The following NDRG1 variants were observed in gnomAD, a reference collection of about 807,000 sequenced individuals.
NDRG1 encodes N-myc downstream regulated 1, also known as protein NDRG1.
Under a neutral mutation model 56.9 loss-of-function variants are expected in NDRG1, and 32 were observed. The observed-to-expected ratio is 0.56, with a 90% CI of 0.42 to 0.76. The LOEUF is 0.76. Ranked by LOEUF, NDRG1 falls within the 30% of genes least tolerant of loss-of-function variation. The probability of loss-of-function intolerance (pLI) is 0.00; values close to 1 mark genes in which losing one functional copy is unlikely to be tolerated. For synonymous variants in NDRG1, 211 were observed against 204.1 expected (o/e 1.03, Z -0.29); for missense variants, 507 against 545.7 (o/e 0.93, Z 0.71).
chr8:133,271,778 TAAAAAAAAAAAA>T (rs66733314), intron 3 of NDRG1, among the ~76,000 whole-genome samples: 10 of 30,470 alleles, frequency 3.3e-4, no homozygotes, highest in Non-Finnish European at 4.9e-4. Context: ...AGACCCTGTC[TAAAAAAAAAAAA>T]AAAAAAAAAA....
intron 3 of NDRG1, among the ~76,000 whole-genome samples, chr8:133,279,243 C>T (rs2130783475): frequency 6.6e-6 from 1 of 152,250 alleles, no homozygotes; most frequent in East Asian, 1.9e-4. Flanking sequence ...CTGACACAAC[C>T]AGGATGATGA....
chr8:133,244,684 C>T, intron 13 of NDRG1: 2 of 539,078 alleles, frequency 3.7e-6, no homozygotes, highest in African/African-American at 1.9e-5. Flanking sequence ...ACAGCTGTCC[C>T]ATTTTACAGG....
At position 133,284,302 on chromosome 8, in the gene NDRG1, C is replaced by T. The variant is rs1857979450; in HGVS notation, c.10G>A (p.Glu4Lys). The T allele has an allele frequency of 6.2e-7, 1 of 1,614,186 alleles. No individual in the cohort carries two copies. The highest frequency in any genetic ancestry group is 8.5e-7 in the Non-Finnish European group (1 of 1,180,038). Residue 4 changes from glutamate to lysine, a missense_variant, in exon 2 of 16, where the codon GAG (glutamate) becomes AAG (lysine). Transcript: ENST00000323851. ...TCAGCGAGGTCTACATCCTGCATCT[C>T]CCGAGACATGTCCCTGCTGTCACCT... is the stretch of plus-strand genomic sequence containing the variant. MSREMQDVDLAEVK... is the reference protein window; with the variant it reads MSRKMQDVDLAEVK...
chr8:133,246,808 C>T, intron 12 of NDRG1, 145 bp from the exon 13 acceptor site: 1 of 788,510 alleles, frequency 1.3e-6, no homozygotes, highest in East Asian at 2.5e-5. Flanking sequence ...TATTGGGATT[C>T]AGCAGATGTG....
At chr8:133,280,538 C>T (rs1857738001) in intron 2 of NDRG1, among the ~76,000 whole-genome samples, 1 of 152,042 alleles carries the variant, frequency 6.6e-6, no homozygotes, top group South Asian at 2.1e-4. Flanking sequence ...ATTCTCCTGC[C>T]TCAGCCTCCT....
intron 1 of NDRG1, chr8:133,296,563 C>G: frequency 4.4e-6 from 2 of 456,220 alleles, no homozygotes; most frequent in Non-Finnish European, 8.8e-6. Context: ...CTCGGATCCA[C>G]ACCCGTTCCC....
At chr8:133,296,609 CT>C (rs915652151) in intron 1 of NDRG1, 10 of 451,796 alleles carry the variant, frequency 2.2e-5, no homozygotes, top group East Asian at 7.0e-5. Context: ...CCACGCCCCC[CT>C]CTCCAGCCTC....
chr8:133,264,915 GC>G (rs1320654965), intron 3 of NDRG1: 1 of 520,430 alleles, frequency 1.9e-6, no homozygotes, highest in Non-Finnish European at 3.5e-6. Context: ...GAAAGGGCTT[GC>G]CCGCCACCAT....
chr8:133,279,018 T>G (rs1039896602), intron 3 of NDRG1, among the ~76,000 whole-genome samples: 1 of 151,946 alleles, frequency 6.6e-6, no homozygotes, highest in African/African-American at 2.4e-5. Context: ...AGCCCCCAAG[T>G]AGCTGGGGTT....
At position 133,290,100 on chromosome 8, in the gene NDRG1, C is replaced by A. The variant is rs559918291; in HGVS notation, c.-18-5771G>T. ...CTTGGACCAAGGCCCCCACTTCTGC[C>A]AGCCTCAGACTCCTGTCTGTTAAGA... On this transcript the variant is annotated intron_variant, in intron 1 of 15. Transcript: ENST00000323851. Among the ~76,000 whole-genome samples, 6 of 152,290 alleles carry A rather than the reference C, an allele frequency of 3.9e-5. No homozygotes were observed. The East Asian group carries it at 1.2e-3, about 29-fold the overall frequency.
intron 1 of NDRG1, among the ~76,000 whole-genome samples, chr8:133,291,598 T>C (rs1858432608): frequency 6.6e-6 from 1 of 152,204 alleles, no homozygotes; most frequent in Non-Finnish European, 1.5e-5. Context: ...GTGGATTCAC[T>C]GGACCTTCAA....
intron 9 of NDRG1, among the ~76,000 whole-genome samples, chr8:133,252,977 G>C (rs943717984): frequency 6.6e-6 from 1 of 152,250 alleles, no homozygotes; most frequent in African/African-American, 2.4e-5. Flanking sequence ...GCCAGCTCCA[G>C]AGTGGAGGCT....
rs1457529003 is a variant in NDRG1, at chr8:133,280,286, A to C, written c.64-19T>G. On this transcript the variant is annotated intron_variant, in intron 2 of 15. Coordinates refer to ENST00000323851, the MANE Select transcript of NDRG1 (RefSeq NM_006096.4). ...TGATGGTCTGTGAAAAGACAAAAAAAATTGTCAATTTCATCTGTTTTCTCT... is the reference window on the plus strand; with the variant it reads ...TGATGGTCTGTGAAAAGACAAAAAACATTGTCAATTTCATCTGTTTTCTCT... 1 of 1,613,658 alleles carries C rather than the reference A, an allele frequency of 6.2e-7. No homozygotes were observed. The highest frequency in any genetic ancestry group is 8.5e-7 in the Non-Finnish European group (1 of 1,179,584).
At chr8:133,244,570 G>A (rs1855563521) in intron 13 of NDRG1, 180 bp from the exon 14 acceptor site, 1 of 702,348 alleles carries the variant, frequency 1.4e-6, no homozygotes, top group Non-Finnish European at 2.5e-6. Flanking sequence ...AGGCAAGGCT[G>A]CTGGTGTCTC....
chr8:133,279,859 A>T (rs548522642), intron 3 of NDRG1, among the ~76,000 whole-genome samples: 1 of 152,198 alleles, frequency 6.6e-6, no homozygotes, highest in Admixed American at 6.5e-5. Flanking sequence ...GGCTGGTTTC[A>T]GTTTCCCAAG....
intron 1 of NDRG1, among the ~76,000 whole-genome samples, chr8:133,288,805 C>G (rs1268621476): frequency 6.6e-6 from 1 of 152,160 alleles, no homozygotes; most frequent in Non-Finnish European, 1.5e-5. Flanking sequence ...GCCATCTTTG[C>G]TCCCCAAGAA....
chr8:133,293,807 GA>G (rs1858571302), intron 1 of NDRG1, among the ~76,000 whole-genome samples: 1 of 152,164 alleles, frequency 6.6e-6, no homozygotes, highest in Non-Finnish European at 1.5e-5. Context: ...ACCGGGCCTG[GA>G]AATGTGCATT....
At chr8:133,296,398 C>T (rs1326186185) in intron 1 of NDRG1, 1 of 442,224 alleles carries the variant, frequency 2.3e-6, no homozygotes, top group Non-Finnish European at 4.6e-6. Flanking sequence ...CCGGGTTCCT[C>T]CGGGGGCGCA....
Position 133,245,444 on chromosome 8 carries a change from G to A in NDRG1, c.856-1054C>T, listed in dbSNP as rs189882151. Among the ~76,000 whole-genome samples the A allele has an allele frequency of 1.4e-4, 22 of 152,238 alleles. No homozygotes were observed. The East Asian group carries it at 4.1e-3, about 28-fold the overall frequency. ...AGATGAGGTCATATTGGATTAGAGC[G>A]GGCCCTAAAGCTAACGGCTGATGTT... On this transcript the variant is annotated intron_variant, in intron 13 of 15. Transcript: ENST00000323851.
Sources: allele counts gnomAD v4.1 joint callset (sites outside exome capture counted in the v4.1 genomes callset), GRCh38; gene constraint gnomAD v4.1.1; transcripts MANE v1.5; gene names NCBI Gene and HGNC (gene_info 2026-07-23, HGNC 2026-07-21).